The following GRID2 variants were observed in gnomAD, a reference collection of about 807,000 sequenced individuals.
GRID2 encodes the protein glutamate ionotropic receptor delta type subunit 2, also known as glutamate receptor ionotropic, delta-2.
A neutral mutation model predicts 114.8 loss-of-function variants in GRID2; 33 were observed. The observed-to-expected ratio is 0.29, with a 90% CI of 0.22 to 0.38. The LOEUF is 0.38. GRID2 is among the 10% of genes least tolerant of loss of function. The pLI is 1.00. For missense variants in GRID2, 1,184 were observed against 1,257.7 expected, an observed-to-expected ratio of 0.94 and a Z score of 0.89; for synonymous variants, 505 against 449.9, an observed-to-expected ratio of 1.12 and a Z score of -1.55.
chr4:92,772,171 A>C (rs1738575788), intron 2 of GRID2, among the ~76,000 whole-genome samples: 1 of 152,286 alleles, frequency 6.6e-6, no homozygotes, highest in Admixed American at 6.5e-5. Flanking sequence ...TGAATTTATC[A>C]TCTAAAACCT....
rs1239156604 is a variant in GRID2, at chr4:92,378,008, T to A, written c.88+73264T>A. On this transcript the variant is annotated intron_variant, in intron 1 of 15. Coordinates refer to ENST00000282020, the MANE Select transcript of GRID2 (RefSeq NM_001510.4). ...GTTTTGAGCTCATTAGTTTTTTTAC[T>A]TAGATATCTAAAGTACAGCAAAAAT... 2.0e-5 allele frequency among the ~76,000 whole-genome samples: 3 copies of A among 152,056 alleles called. 1 individual carries two copies. Among genetic ancestry groups the A allele is most frequent in the Non-Finnish European group, 4.4e-5 (3 of 67,996 alleles).
chr4:93,603,119 A>G (rs1445103142), intron 13 of GRID2, among the ~76,000 whole-genome samples: 1 of 152,162 alleles, frequency 6.6e-6, no homozygotes. Context: ...CTGAGGCAGG[A>G]TAATCGCTTG....
chr4:93,264,721 T>TATATATATATAC (rs1486980949), intron 8 of GRID2, among the ~76,000 whole-genome samples: 1 of 136,462 alleles, frequency 7.3e-6, no homozygotes, highest in African/African-American at 2.8e-5. Flanking sequence ...TATATATATA[T>TATATATATATAC]ATATCATTTG....
chr4:93,594,820 G>A (rs1433292936), intron 13 of GRID2, among the ~76,000 whole-genome samples: 2 of 152,118 alleles, frequency 1.3e-5, no homozygotes, highest in African/African-American at 4.8e-5. Context: ...GATTTTCCAG[G>A]TGCCGTCCAT....
At position 92,590,183 on chromosome 4, in the gene GRID2, G is replaced by T. The variant is rs925062774; in HGVS notation, c.141G>T (p.Ala47=). ...AGGATGATGAGGTATTTCGCACTGC[G>T]GTTGGTGACCTTAACCAGAATGAGG... is the stretch of plus-strand genomic sequence containing the variant. ...AKKDDEVFRT[A]VGDLNQNEEI... is the part of the protein sequence containing the mutation. The change falls in exon 2 of 16, where the codon GCG becomes GCT. Residue 47 remains alanine, a synonymous_variant. Transcript: ENST00000282020. 1.2e-6 allele frequency: 2 copies of T among 1,611,768 alleles called. No individual in the cohort carries two copies. The highest frequency in any genetic ancestry group is 1.7e-5 in the Admixed American group (1 of 59,988).
intron 2 of GRID2, among the ~76,000 whole-genome samples, chr4:92,917,263 C>G (rs928441183): frequency 6.6e-6 from 1 of 152,028 alleles, no homozygotes; most frequent in Non-Finnish European, 1.5e-5. Flanking sequence ...GATATTAGCC[C>G]TTTGTCAGAT....
intron 3 of GRID2, among the ~76,000 whole-genome samples, chr4:93,108,723 C>T (rs1396817596): frequency 2.0e-5 from 3 of 151,650 alleles, no homozygotes; most frequent in Non-Finnish European, 4.4e-5. Context: ...CTCCACCTCC[C>T]GGGTTCAAGC....
chr4:93,613,885 G>A (rs1202111257), intron 13 of GRID2, among the ~76,000 whole-genome samples: 1 of 151,554 alleles, frequency 6.6e-6, no homozygotes, highest in Admixed American at 6.6e-5. Flanking sequence ...GCAAGCCTGG[G>A]CAATGGCGGG....
At chr4:92,875,162 T>C (rs1007602807) in intron 2 of GRID2, among the ~76,000 whole-genome samples, 1 of 144,440 alleles carries the variant, frequency 6.9e-6, no homozygotes, top group African/African-American at 2.6e-5. Flanking sequence ...TTTTTTTTTT[T>C]TTTTTTTTTT....
intron 2 of GRID2, among the ~76,000 whole-genome samples, chr4:93,064,213 T>C (rs1728063391): frequency 6.6e-6 from 1 of 151,064 alleles, no homozygotes; most frequent in Non-Finnish European, 1.5e-5. Context: ...TACTATCTAT[T>C]TATATATTTT....
intron 4 of GRID2, among the ~76,000 whole-genome samples, chr4:93,206,679 T>C (rs1324278060): frequency 6.6e-6 from 1 of 151,834 alleles, no homozygotes; most frequent in Non-Finnish European, 1.5e-5. Flanking sequence ...AAGAATCATT[T>C]AGAATAAATG....
intron 9 of GRID2, among the ~76,000 whole-genome samples, chr4:93,416,147 C>T (rs1282310371): frequency 6.6e-6 from 1 of 151,966 alleles, no homozygotes; most frequent in East Asian, 1.9e-4. Flanking sequence ...TCCTCTACTG[C>T]TGTTCCTTAT....
chr4:92,766,297 G>T (rs914937232), intron 2 of GRID2, among the ~76,000 whole-genome samples: 2 of 152,220 alleles, frequency 1.3e-5, no homozygotes, highest in South Asian at 4.1e-4. Flanking sequence ...CCAGCACTTT[G>T]GGAGGCCGAG....
chr4:92,402,395 A>G (rs991772441), intron 1 of GRID2, among the ~76,000 whole-genome samples: 26 of 152,152 alleles, frequency 1.7e-4, no homozygotes, highest in African/African-American at 6.0e-4. Context: ...AGGAACCACT[A>G]CTTATGGCAG....
chr4:93,736,201 G>A (rs762355772), intron 14 of GRID2, among the ~76,000 whole-genome samples: 24 of 151,650 alleles, frequency 1.6e-4, no homozygotes, highest in Non-Finnish European at 3.1e-4. Context: ...ATGATGATTA[G>A]CACACAAAGA....
At chr4:93,612,510 G>A (rs1216434599) in intron 13 of GRID2, among the ~76,000 whole-genome samples, 1 of 116,264 alleles carries the variant, frequency 8.6e-6, no homozygotes, top group Non-Finnish European at 1.8e-5. Flanking sequence ...AGGCCTGGTG[G>A]TGACAAAATC....
In GRID2 at chr4:92,939,798, C is replaced by T. The variant is rs1474492922; in HGVS notation, c.245-145197C>T. Among the ~76,000 whole-genome samples the T allele has an allele frequency of 1.4e-5, 2 of 147,258 alleles. 1 individual carries two copies. Among genetic ancestry groups the T allele is most frequent in the East Asian group, 4.2e-4 (2 of 4,706 alleles). ...TTTCTACATATGGCTAGCCAGTTTT[C>T]CCAGCACCATTAATTAAATAGGGAA... On this transcript the variant is annotated intron_variant, in intron 2 of 15. Coordinates refer to ENST00000282020, the MANE Select transcript of GRID2 (RefSeq NM_001510.4).
chr4:92,635,860 A>G (rs1280167369), intron 2 of GRID2, among the ~76,000 whole-genome samples: 1 of 152,078 alleles, frequency 6.6e-6, no homozygotes, highest in Admixed American at 6.6e-5. Context: ...TTGTCATGTA[A>G]GTATCCATTT....
At chr4:93,449,651 T>A (rs1722494879) in intron 10 of GRID2, among the ~76,000 whole-genome samples, 1 of 152,052 alleles carries the variant, frequency 6.6e-6, no homozygotes, top group Non-Finnish European at 1.5e-5. Context: ...GGCAGTGTAG[T>A]AAGGAATATT....
Sources: gnomAD v4.1 joint callset for allele counts (sites outside exome capture counted in the v4.1 genomes callset) on GRCh38, gnomAD v4.1.1 for gene constraint, MANE v1.5 for transcripts, NCBI Gene and HGNC (gene_info 2026-07-23, HGNC 2026-07-21) for gene names.